Variants in DCAF5 observed in about 807,000 individuals in gnomAD.
DCAF5 encodes the protein DDB1- and CUL4-associated factor 5.
In DCAF5, 9 loss-of-function variants were observed where a neutral mutation model predicts 80.7. That is an observed-to-expected ratio of 0.11 (90% CI 0.07 to 0.19). The LOEUF (loss-of-function observed/expected upper bound fraction) is 0.19. Ranked by LOEUF, DCAF5 falls within the 10% of genes least tolerant of loss-of-function variation. DCAF5 has a pLI of 1.00. For missense variants in DCAF5, 842 were observed against 1,205.7 expected, an observed-to-expected ratio of 0.70 and a Z score of 4.47; for synonymous variants, 433 against 461.9, an observed-to-expected ratio of 0.94 and a Z score of 0.80.
At chr14:69,124,507 T>C (rs1489559677) in intron 1 of DCAF5, among the ~76,000 whole-genome samples, 1 of 152,212 alleles carries the variant, frequency 6.6e-6, no homozygotes, top group Non-Finnish European at 1.5e-5. Flanking sequence ...TTGAATTTCT[T>C]CTTCCTTCCA....
intron 6 of DCAF5, chr14:69,084,925 C>G: frequency 7.0e-7 from 1 of 1,426,766 alleles, no homozygotes; most frequent in Non-Finnish European, 9.9e-7. Context: ...GTGGGTAGAA[C>G]AGCCAGAGAC....
intron 5 of DCAF5, among the ~76,000 whole-genome samples, chr14:69,112,737 A>C (rs764572364): frequency 6.6e-6 from 1 of 152,188 alleles, no homozygotes; most frequent in Non-Finnish European, 1.5e-5. Flanking sequence ...GTAATTATTC[A>C]TATGATGGTC....
intron 1 of DCAF5, among the ~76,000 whole-genome samples, chr14:69,137,916 A>G (rs2041244213): frequency 6.6e-6 from 1 of 152,204 alleles, no homozygotes; most frequent in Non-Finnish European, 1.5e-5. Context: ...ATTTTACCAT[A>G]GGTATGTATA....
intron 6 of DCAF5, among the ~76,000 whole-genome samples, chr14:69,083,003 A>T (rs1203247771): frequency 6.6e-6 from 1 of 152,192 alleles, no homozygotes; most frequent in Admixed American, 6.5e-5. Flanking sequence ...GTTCCTAAGA[A>T]CAATCCAGGT....
intron 5 of DCAF5, among the ~76,000 whole-genome samples, chr14:69,093,480 T>C (rs998013602): frequency 2.0e-5 from 3 of 152,212 alleles, no homozygotes; most frequent in African/African-American, 4.8e-5. Context: ...AAGAGCTATA[T>C]ATTACCAGAA....
intron 1 of DCAF5, chr14:69,144,004 T>G (rs2041456988): frequency 6.6e-6 from 1 of 152,312 alleles, no homozygotes; most frequent in Non-Finnish European, 1.5e-5. Flanking sequence ...TTTCCACTAA[T>G]GCATTGCCTG....
chr14:69,139,063 A>C (rs2041277169), intron 1 of DCAF5, among the ~76,000 whole-genome samples: 1 of 152,150 alleles, frequency 6.6e-6, no homozygotes, highest in Admixed American at 6.5e-5. Flanking sequence ...AGGTGGGAGG[A>C]TCACTTGAGC....
chr14:69,122,980 T>C (rs1464750440), intron 1 of DCAF5, among the ~76,000 whole-genome samples: 2 of 152,214 alleles, frequency 1.3e-5, no homozygotes, highest in Admixed American at 1.3e-4. Flanking sequence ...TACTTTTACT[T>C]TTTTTGCATT....
At position 69,152,826 on chromosome 14, in the gene DCAF5, G is replaced by A; in HGVS notation, c.153C>T (p.Gly51=). Residue 51 remains glycine (G), a synonymous_variant, in exon 1 of 9, where the codon GGC becomes GGT. Transcript: ENST00000341516. The surrounding 1 kb of genome is among the most constrained non-coding windows in gnomAD (Gnocchi z 4.1). ...CAATGGCATTGACACAGCCGAAGTG[G>A]CCGAGGAGGTCCTTCTTGTAGAGGT... is the stretch of plus-strand genomic sequence containing the variant. ...CRNLYKKDLL[G]HFGCVNAIEF... 1 of 1,614,100 alleles carries A rather than the reference G, an allele frequency of 6.2e-7. No homozygotes were observed.
At chr14:69,087,675 C>CA (rs1380391147) in intron 6 of DCAF5, among the ~76,000 whole-genome samples, 1 of 152,120 alleles carries the variant, frequency 6.6e-6, no homozygotes, top group Non-Finnish European at 1.5e-5. Flanking sequence ...GTGCAAATCT[C>CA]AAAGAGGGTA....
chr14:69,136,092 T>C (rs2041185347), intron 1 of DCAF5, among the ~76,000 whole-genome samples: 1 of 151,122 alleles, frequency 6.6e-6, no homozygotes, highest in Non-Finnish European at 1.5e-5. Context: ...TCTTCCCTTT[T>C]ATAAAAACTG....
chr14:69,096,138 C>G (rs1467756108), intron 5 of DCAF5, among the ~76,000 whole-genome samples: 1 of 152,180 alleles, frequency 6.6e-6, no homozygotes, highest in East Asian at 1.9e-4. Context: ...CAGGGAGTCA[C>G]AGTCCACACT....
chr14:69,097,556 T>C (rs144021491), intron 5 of DCAF5, among the ~76,000 whole-genome samples: 1 of 151,274 alleles, frequency 6.6e-6, no homozygotes, highest in Non-Finnish European at 1.5e-5. Flanking sequence ...ATTGATTTCA[T>C]CACCCACTGG....
At chr14:69,119,138 C>G in intron 3 of DCAF5, 56 bp downstream of exon 3, 1 of 1,567,496 alleles carries the variant, frequency 6.4e-7, no homozygotes, top group Non-Finnish European at 8.7e-7. Flanking sequence ...AGATATTTGC[C>G]TCTTCATATA....
At chr14:69,113,503 C>T (rs1471805727) in intron 5 of DCAF5, among the ~76,000 whole-genome samples, 1 of 151,864 alleles carries the variant, frequency 6.6e-6, no homozygotes, top group Admixed American at 6.6e-5. Context: ...ATAGGGGATT[C>T]ACAAATTCCT....
chr14:69,060,123 C>T (rs1365167173), intron 8 of DCAF5, among the ~76,000 whole-genome samples: 6 of 152,070 alleles, frequency 3.9e-5, no homozygotes, highest in African/African-American at 9.7e-5. Flanking sequence ...GGAGAGGACA[C>T]GTTACAGAGT....
At chr14:69,131,514 T>C (rs2041038612) in intron 1 of DCAF5, among the ~76,000 whole-genome samples, 1 of 152,228 alleles carries the variant, frequency 6.6e-6, no homozygotes, top group African/African-American at 2.4e-5. Flanking sequence ...TTGATATTTG[T>C]ATAGGAATTC....
At position 69,090,928 on chromosome 14, in the gene DCAF5, C is replaced by A. The variant is rs867088648; in HGVS notation, c.879+746G>T. The A allele has an allele frequency of 3.2e-5, 19 of 596,404 alleles. No individual in the cohort carries two copies. The African/African-American group carries it at 3.3e-4, about 10-fold the overall frequency. 36.9% of individuals were successfully genotyped at this position (596,404 alleles called of 1,614,324 possible). A position where few individuals can be genotyped will look rare whatever the true frequency, so the allele number is the denominator to read the frequency against. On this transcript the variant is annotated intron_variant, in intron 6 of 8. Transcript: ENST00000341516. ...CTATTTGTTTATTTGATCAGTCTTT[C>A]CTTAGATTTGTCTTTCTTCCCATTT...
intron 5 of DCAF5, among the ~76,000 whole-genome samples, chr14:69,095,566 A>C (rs145319007): frequency 1.3e-5 from 2 of 149,070 alleles, no homozygotes; most frequent in African/African-American, 4.9e-5. Context: ...CACACACACA[A>C]AAACCACTCA....
Sources: allele counts gnomAD v4.1 joint callset (sites outside exome capture counted in the v4.1 genomes callset), GRCh38; gene constraint gnomAD v4.1.1; non-coding constraint Gnocchi (gnomAD v3.1); transcripts MANE v1.5; gene names NCBI Gene and HGNC (gene_info 2026-07-23, HGNC 2026-07-21).